The following RAVER2 variants were observed in gnomAD, a reference collection of about 807,000 sequenced individuals.
RAVER2 encodes the protein ribonucleoprotein, PTB binding 2.
In RAVER2, 46 loss-of-function variants were observed where a neutral mutation model predicts 78.1. That is an observed-to-expected ratio of 0.59 (90% confidence interval 0.46 to 0.75). The LOEUF is 0.75. RAVER2 is among the 30% of genes least tolerant of loss of function. RAVER2 has a pLI of 0.00. For missense variants in RAVER2, 793 were observed against 837.5 expected, an observed-to-expected ratio of 0.95 and a Z score of 0.66; for synonymous variants, 311 against 313.3, an observed-to-expected ratio of 0.99 and a Z score of 0.08.
intron 11 of RAVER2, among the ~76,000 whole-genome samples, chr1:64,825,522 A>G (rs1217809288): frequency 6.6e-6 from 1 of 152,252 alleles, no homozygotes; most frequent in African/African-American, 2.4e-5. Flanking sequence ...AACAACAATA[A>G]TAAATATCTT....
chr1:64,786,033 CTT>C (rs1247041961), intron 4 of RAVER2, among the ~76,000 whole-genome samples: 4 of 152,148 alleles, frequency 2.6e-5, no homozygotes, highest in Non-Finnish European at 5.9e-5. Flanking sequence ...TACTAAATAA[CTT>C]AGATGAATCT....
intron 1 of RAVER2, among the ~76,000 whole-genome samples, chr1:64,755,486 T>C (rs541865947): frequency 3.3e-5 from 5 of 152,108 alleles, no homozygotes; most frequent in African/African-American, 1.2e-4. Flanking sequence ...TATTTGTACA[T>C]GCTTTCATTG....
At chr1:64,806,344 G>A (rs1653417897) in intron 8 of RAVER2, among the ~76,000 whole-genome samples, 2 of 152,254 alleles carry the variant, frequency 1.3e-5, no homozygotes, top group African/African-American at 4.8e-5. Context: ...CCAGGAAGTC[G>A]AGGCTGCAGT....
rs987199140 is a variant in RAVER2, at chr1:64,814,093, T to TTG, written c.1793-597_1793-596dup. Among the ~76,000 whole-genome samples the TTG allele has an allele frequency of 1.0e-4, 15 of 149,970 alleles. No individual in the cohort carries two copies. The East Asian group carries it at 1.4e-3, about 14-fold the overall frequency. ...CATGTGCCACCATGCCCAGCTAATT[T>TTG]TGTGTGTGTGTGTGTTTGTGAGACA... On this transcript the variant is annotated intron_variant, in intron 10 of 11. Coordinates refer to ENST00000294428, the Ensembl canonical transcript of RAVER2.
intron 1 of RAVER2, among the ~76,000 whole-genome samples, chr1:64,754,978 C>G (rs1212202539): frequency 2.0e-4 from 30 of 152,154 alleles, no homozygotes. Context: ...ATGTTTGATG[C>G]AAAAGCTTAT....
intron 5 of RAVER2, among the ~76,000 whole-genome samples, chr1:64,796,234 G>A (rs1404122700): frequency 6.6e-6 from 1 of 151,690 alleles, no homozygotes; most frequent in African/African-American, 2.4e-5. Context: ...GAGGTATATT[G>A]GTCTGTAGTT....
At chr1:64,774,829 G>A (rs933537041) in intron 2 of RAVER2, among the ~76,000 whole-genome samples, 1 of 152,142 alleles carries the variant, frequency 6.6e-6, no homozygotes, top group Non-Finnish European at 1.5e-5. Context: ...TTTTCCATTT[G>A]TTTGTGTCCT....
intron 3 of RAVER2, among the ~76,000 whole-genome samples, chr1:64,780,492 GAGA>G (rs1474196183): frequency 1.3e-5 from 2 of 152,154 alleles, no homozygotes; most frequent in African/African-American, 4.8e-5. Context: ...AAAAGAAACT[GAGA>G]AGGACTAAGA....
At chr1:64,778,649 C>T (rs1301993883) in intron 3 of RAVER2, among the ~76,000 whole-genome samples, 4 of 151,302 alleles carry the variant, frequency 2.6e-5, no homozygotes, top group African/African-American at 9.7e-5. Context: ...ATAACACTGG[C>T]GAGACTTTTC....
intron 8 of RAVER2, among the ~76,000 whole-genome samples, chr1:64,806,659 A>G (rs1407065687): frequency 3.9e-5 from 6 of 152,212 alleles, no homozygotes; most frequent in African/African-American, 1.4e-4. Context: ...CAAGTTACCA[A>G]TATGAAGACA....
intron 8 of RAVER2, among the ~76,000 whole-genome samples, chr1:64,806,785 T>A (rs1653428795): frequency 6.6e-6 from 1 of 152,184 alleles, no homozygotes; most frequent in African/African-American, 2.4e-5. Context: ...TAATTTCAGA[T>A]AACTTTTTAA....
chr1:64,814,812 A>T lies in RAVER2; in HGVS notation c.1901A>T (p.Tyr634Phe), dbSNP rs1454446787. ...CACGCATTGGAAAAGTGCATTGCTTATTCTCCACCTTTTGGTGATTATGCA... is the reference window on the plus strand; with the variant it reads ...CACGCATTGGAAAAGTGCATTGCTTTTTCTCCACCTTTTGGTGATTATGCA... The change falls in exon 11 of 12, where the codon TAT (tyrosine) becomes TTT (phenylalanine). Residue 634 changes from tyrosine (Y) to phenylalanine (F), a missense_variant. Transcript: ENST00000294428. 1 of 1,583,002 alleles carries T rather than the reference A, an allele frequency of 6.3e-7. No individual in the cohort carries two copies. Among genetic ancestry groups the T allele is most frequent in the East Asian group, 2.3e-5 (1 of 43,272 alleles).
At chr1:64,797,924 CTTTT>C (rs577748435) in intron 5 of RAVER2, among the ~76,000 whole-genome samples, 1 of 135,610 alleles carries the variant, frequency 7.4e-6, no homozygotes, top group Non-Finnish European at 1.6e-5. Flanking sequence ...TTTTTTTTTT[CTTTT>C]TTTTTTTATT....
chr1:64,765,269 A>G (rs1362594662), intron 1 of RAVER2, among the ~76,000 whole-genome samples: 2 of 152,244 alleles, frequency 1.3e-5, no homozygotes, highest in African/African-American at 2.4e-5. Context: ...GCTCTTGCAC[A>G]TGAATGCAAG....
intron 6 of RAVER2, among the ~76,000 whole-genome samples, chr1:64,804,390 T>C (rs1177254906): frequency 6.6e-6 from 1 of 152,166 alleles, no homozygotes; most frequent in Non-Finnish European, 1.5e-5. Flanking sequence ...TCTCACTAAG[T>C]AGCACAGTGC....
chr1:64,814,867 A>G, intron 11 of RAVER2, 27 bp downstream of exon 11: 5 of 1,481,682 alleles, frequency 3.4e-6, no homozygotes, highest in Non-Finnish European at 4.5e-6. Context: ...TTCTGATGAT[A>G]CTCAGAAAAA....
At chr1:64,785,417 T>A (rs1485749827) in intron 4 of RAVER2, among the ~76,000 whole-genome samples, 1 of 150,658 alleles carries the variant, frequency 6.6e-6, no homozygotes, top group East Asian at 2.0e-4. Flanking sequence ...TCGTTCAGGC[T>A]GGAGTGCAGT....
intron 5 of RAVER2, among the ~76,000 whole-genome samples, chr1:64,798,192 C>G (rs1411935253): frequency 7.6e-6 from 1 of 130,882 alleles, no homozygotes; most frequent in African/African-American, 2.9e-5. Flanking sequence ...TTTGTTCTTG[C>G]GATAGTTTAC....
At chr1:64,746,124 A>G (rs1411211358) in intron 1 of RAVER2, among the ~76,000 whole-genome samples, 3 of 152,200 alleles carry the variant, frequency 2.0e-5, no homozygotes, top group Non-Finnish European at 2.9e-5. Context: ...GTTGCTTTTA[A>G]GATTAGAAAC....
Sources: gnomAD v4.1 joint callset for allele counts (sites outside exome capture counted in the v4.1 genomes callset) on GRCh38, gnomAD v4.1.1 for gene constraint, MANE v1.5 for transcripts, NCBI Gene and HGNC (gene_info 2026-07-23, HGNC 2026-07-21) for gene names.